The following LOC128462377 variants were observed in gnomAD, a reference collection of about 807,000 sequenced individuals.
chr16:89,389,066 C>T, the LOC128462377 span, among the ~76,000 whole-genome samples: 1 of 152,194 alleles, frequency 6.6e-6, no homozygotes, highest in Admixed American at 6.5e-5. Flanking sequence ...ATAAATAGGA[C>T]AGCAATGGAT....
the LOC128462377 span, among the ~76,000 whole-genome samples, chr16:89,361,828 T>C: frequency 1.3e-5 from 2 of 151,796 alleles, no homozygotes; most frequent in South Asian, 4.2e-4. Flanking sequence ...CCCTAAACAT[T>C]TAAAAACAAA....
the LOC128462377 span, among the ~76,000 whole-genome samples, chr16:89,382,541 G>A: frequency 1.3e-5 from 2 of 151,964 alleles, no homozygotes; most frequent in Non-Finnish European, 2.9e-5. Context: ...TGGCCAGGCT[G>A]GTCTCGAACT....
the LOC128462377 span, chr16:89,319,827 A>T: frequency 6.6e-6 from 1 of 152,414 alleles, no homozygotes; most frequent in South Asian, 2.1e-4. Context: ...GAGAGACCAG[A>T]TGAGGACAGA....
chr16:89,401,712 G>A, the LOC128462377 span, among the ~76,000 whole-genome samples: 1 of 152,232 alleles, frequency 6.6e-6, no homozygotes, highest in South Asian at 2.1e-4. Flanking sequence ...AGGTGAGATC[G>A]CTAGGGTGGG....
the LOC128462377 span, among the ~76,000 whole-genome samples, chr16:89,355,338 GAACGTGCAGGACTCCAACACA>G: frequency 4.6e-5 from 7 of 152,180 alleles, no homozygotes; most frequent in African/African-American, 1.2e-4. Context: ...GACCAAAGAG[GAACGTGCAGGACTCCAACACA>G]AACGGAGGAC....
the LOC128462377 span, among the ~76,000 whole-genome samples, chr16:89,409,438 C>T: frequency 6.6e-6 from 1 of 152,164 alleles, no homozygotes; most frequent in East Asian, 1.9e-4. Context: ...TCCTGTGGGT[C>T]GTCTTGTGCA....
At chr16:89,320,624 G>T in the LOC128462377 span, among the ~76,000 whole-genome samples, 1 of 152,136 alleles carries the variant, frequency 6.6e-6, no homozygotes, top group South Asian at 2.1e-4. Context: ...CAGGGTGGTG[G>T]GAGTCCCCCA....
At chr16:89,386,186 A>G in the LOC128462377 span, among the ~76,000 whole-genome samples, 2 of 152,252 alleles carry the variant, frequency 1.3e-5, no homozygotes, top group African/African-American at 4.8e-5. Flanking sequence ...CTTTTAATGT[A>G]AGTTTAAAAC....
the LOC128462377 span, among the ~76,000 whole-genome samples, chr16:89,404,507 G>T: frequency 3.3e-5 from 5 of 152,198 alleles, no homozygotes; most frequent in African/African-American, 1.2e-4. Context: ...TCCAGAAAAT[G>T]AGCCAACAGT....
At chr16:89,386,563 G>C in the LOC128462377 span, among the ~76,000 whole-genome samples, 2 of 152,200 alleles carry the variant, frequency 1.3e-5, no homozygotes, top group South Asian at 4.1e-4. Context: ...CAACGACCTT[G>C]CATCCTGCAA....
At chr16:89,347,548 T>A in the LOC128462377 span, among the ~76,000 whole-genome samples, 4,834 of 150,174 alleles carry the variant, frequency 0.032, 260 homozygotes, top group African/African-American at 0.11. Flanking sequence ...GAGATGGAGG[T>A]TGCAGCGAGC....
chr16:89,407,448 G>A, the LOC128462377 span, among the ~76,000 whole-genome samples: 1 of 152,048 alleles, frequency 6.6e-6, no homozygotes, highest in African/African-American at 2.4e-5. Context: ...CTGCCAGCAG[G>A]GCCCCTGCCC....
the LOC128462377 span, among the ~76,000 whole-genome samples, chr16:89,382,731 C>T: frequency 3.3e-5 from 5 of 152,228 alleles, no homozygotes; most frequent in Non-Finnish European, 7.3e-5. Flanking sequence ...CCTCCTGCCT[C>T]GGCCTCCCAA....
the LOC128462377 span, among the ~76,000 whole-genome samples, chr16:89,350,424 A>G: frequency 1.3e-5 from 2 of 152,202 alleles, no homozygotes; most frequent in Non-Finnish European, 2.9e-5. Flanking sequence ...GGACATGTCT[A>G]TAACTGCTTA....
At chr16:89,364,367 C>T in the LOC128462377 span, among the ~76,000 whole-genome samples, 1 of 152,358 alleles carries the variant, frequency 6.6e-6, no homozygotes, top group Admixed American at 6.5e-5. Context: ...TTTCTTAAGA[C>T]ACCATGTATT....
chr16:89,408,699 A>C, the LOC128462377 span, among the ~76,000 whole-genome samples: 1 of 150,364 alleles, frequency 6.7e-6, no homozygotes, highest in Non-Finnish European at 1.5e-5. Context: ...TAATACAACC[A>C]CCTCTGGCCT....
the LOC128462377 span, among the ~76,000 whole-genome samples, chr16:89,365,868 A>G: frequency 2.6e-5 from 4 of 151,692 alleles, no homozygotes; most frequent in South Asian, 8.3e-4. Flanking sequence ...CTCCACCCCC[A>G]ACCCTCAAGC....
At chr16:89,355,837 C>T in the LOC128462377 span, among the ~76,000 whole-genome samples, 4 of 152,282 alleles carry the variant, frequency 2.6e-5, no homozygotes, top group South Asian at 2.1e-4. Context: ...CTCTCCTGTG[C>T]GCAGCCCAAT....
the LOC128462377 span, among the ~76,000 whole-genome samples, chr16:89,417,759 G>A: frequency 1.3e-5 from 2 of 150,920 alleles, no homozygotes; most frequent in Non-Finnish European, 3.0e-5. Context: ...CCTCATCCAA[G>A]GACAACCCAG....
Sources: gnomAD v4.1 joint callset for allele counts (sites outside exome capture counted in the v4.1 genomes callset) on GRCh38, gnomAD v4.1.1 for gene constraint, MANE v1.5 for transcripts.